The following KIF14 variants were observed in gnomAD, a reference collection of about 807,000 sequenced individuals.
KIF14 encodes the protein kinesin family member 14, also known as kinesin-like protein KIF14.
In KIF14, 98 loss-of-function variants were observed where a neutral mutation model predicts 176.2. The observed-to-expected ratio is 0.56, with a 90% CI of 0.47 to 0.66. The LOEUF (loss-of-function observed/expected upper bound fraction) is 0.66, where lower values mean the gene tolerates loss of function less well. KIF14 is among the 30% of genes least tolerant of loss of function. KIF14 has a pLI of 0.00. For synonymous variants in KIF14, 566 were observed against 632.2 expected, an observed-to-expected ratio of 0.90 and a Z score of 1.57; for missense variants, 1,751 against 1,920.4, an observed-to-expected ratio of 0.91 and a Z score of 1.65.
Position 200,554,508 on chromosome 1 carries a change from G to T in KIF14, c.4527C>A (p.Cys1509Ter). The T allele has an allele frequency of 6.5e-7, 1 of 1,544,058 alleles. No homozygotes were observed. The highest frequency in any genetic ancestry group is 8.9e-7 in the Non-Finnish European group (1 of 1,120,210). ...RAPEFLKLKH[C>*]LEKAIEIIIS... is the part of the protein sequence containing the mutation. ...TAATAATTTCAATAGCTTTCTCTAA[G>T]CAATGTTTTAACTTTAAGAATTCTG... The change falls in exon 29 of 30, where the codon TGC becomes TGA. Residue 1509 changes from cysteine to a stop codon, truncating the protein, a stop_gained. Coordinates refer to ENST00000367350, the MANE Select transcript of KIF14 (RefSeq NM_014875.3). LOFTEE classifies it low-confidence loss of function (END_TRUNC).
intron 14 of KIF14, among the ~76,000 whole-genome samples, 194 bp from the exon 15 acceptor site, chr1:200,593,963 C>T (rs1342126471): frequency 1.9e-5 from 2 of 106,870 alleles, no homozygotes; most frequent in African/African-American, 7.6e-5. Flanking sequence ...CGGAGTCTTG[C>T]TCTGTCGCCC....
chr1:200,617,359 C>G (rs1419533662), intron 2 of KIF14, among the ~76,000 whole-genome samples: 1 of 152,200 alleles, frequency 6.6e-6, no homozygotes. Flanking sequence ...GTGACTTATT[C>G]AGACTTTTTA....
rs186021936 is a variant in KIF14 at position 200,587,390 on chromosome 1, G to T, written c.3115-1163C>A. On this transcript the variant is annotated intron_variant, in intron 18 of 29. Coordinates refer to ENST00000367350, the MANE Select transcript of KIF14 (RefSeq NM_014875.3). Reference sequence around the variant, plus strand: ...CCCCAAAAAGGCAGAAAAAAAAGAAGAAAAAAGGACAAACTGTTAAAAAAA... The same window carrying T: ...CCCCAAAAAGGCAGAAAAAAAAGAATAAAAAAGGACAAACTGTTAAAAAAA... 5.3e-3 allele frequency among the ~76,000 whole-genome samples: 712 copies of T among 133,362 alleles called. 3 individuals carry two copies. The highest frequency in any genetic ancestry group is 0.011 in the Middle Eastern group (3 of 262). The allele number at this position is 133,362 out of a possible 152,430, so 87.5% of individuals were successfully genotyped here.
intron 22 of KIF14, 89 bp downstream of exon 22, chr1:200,575,502 A>G (rs971418935): frequency 5.4e-4 from 313 of 579,782 alleles, no homozygotes; most frequent in Non-Finnish European, 6.4e-5. Flanking sequence ...AATAGGAAAT[A>G]ATATATATGA....
intron 9 of KIF14, 24 bp downstream of exon 9, chr1:200,603,815 A>G (rs761658062): frequency 1.4e-6 from 2 of 1,397,726 alleles, no homozygotes; most frequent in Non-Finnish European, 2.0e-6. Flanking sequence ...ATTTCATCAA[A>G]AGGAGAAAAA....
In KIF14 at chr1:200,571,462, G is replaced by A. The variant is rs190696151; in HGVS notation, c.3567-1457C>T. On this transcript the variant is annotated intron_variant, in intron 22 of 29. Coordinates refer to ENST00000367350, the MANE Select transcript of KIF14 (RefSeq NM_014875.3). ...GAAAGCAGCCTATCTCCATATTGCC[G>A]TTCATCTATAAATTTTCTAAACCCA... Among the ~76,000 whole-genome samples the A allele has an allele frequency of 2.6e-3, 398 of 152,110 alleles. 2 individuals carry two copies. Among genetic ancestry groups the A allele is most frequent in the African/African-American group, 8.9e-3 (369 of 41,500 alleles).
intron 25 of KIF14, among the ~76,000 whole-genome samples, chr1:200,563,714 C>T (rs1220841300): frequency 6.6e-6 from 1 of 152,114 alleles, no homozygotes; most frequent in Non-Finnish European, 1.5e-5. Flanking sequence ...TTCTTATCTG[C>T]TCCTTTTGCA....
chr1:200,579,036 G>C (rs1419944073), intron 21 of KIF14, among the ~76,000 whole-genome samples: 1 of 152,154 alleles, frequency 6.6e-6, no homozygotes, highest in East Asian at 1.9e-4. Flanking sequence ...GTTGCAGTGA[G>C]CCGAGATTGT....
intron 21 of KIF14, 48 bp from the exon 22 acceptor site, chr1:200,575,739 T>C: frequency 9.0e-7 from 1 of 1,107,606 alleles, no homozygotes; most frequent in Non-Finnish European, 1.3e-6. Flanking sequence ...GGTGAAAAAA[T>C]GTTTAGCAAC....
chr1:200,617,183 G>A (rs1660445399), intron 2 of KIF14, among the ~76,000 whole-genome samples: 1 of 152,116 alleles, frequency 6.6e-6, no homozygotes, highest in Non-Finnish European at 1.5e-5. Context: ...GGCCAGGCTG[G>A]TCTCAAACCC....
At position 200,580,304 on chromosome 1, in the gene KIF14, T is replaced by A. The variant is rs1658372314; in HGVS notation, c.3415A>T (p.Ser1139Cys). 6.6e-7 allele frequency: 1 copy of A among 1,523,710 alleles called. No individual in the cohort carries two copies. The highest frequency in any genetic ancestry group is 8.9e-7 in the Non-Finnish European group (1 of 1,129,058). 94.4% of individuals were successfully genotyped at this position (1,523,710 alleles called of 1,614,324 possible). Residue 1139 changes from serine to cysteine, a missense_variant, in exon 21 of 30, where the codon AGT becomes TGT. By Grantham distance (112) the Ser-to-Cys change is moderately radical. Transcript: ENST00000367350. Reference sequence around the variant, plus strand: ...AGTTTAGATTCAAACTTTTCCAGACTCCAGAATGTTGAGATTCCTAGTTTC... The same window carrying A: ...AGTTTAGATTCAAACTTTTCCAGACACCAGAATGTTGAGATTCCTAGTTTC... ...NLKLGISTFW[S>C]LEKFESKLAA...
Position 200,614,461 on chromosome 1 carries a change from CT to C in KIF14, c.1368-57del, listed in dbSNP as rs57093619. 7.2e-4 allele frequency: 806 copies of C among 1,119,274 alleles called. 8 individuals carry two copies. In the African/African-American group the frequency reaches 0.011, roughly 15 times the overall value. The allele number at this position is 1,119,274 out of a possible 1,614,324, so 69.3% of individuals were successfully genotyped here. ...TAAAACTAATTCTTTCTTTAAAATTCTTTTTGGGGAAATAGGCTGGGAAGGG... is the reference window on the plus strand; with the variant it reads ...TAAAACTAATTCTTTCTTTAAAATTCTTTTGGGGAAATAGGCTGGGAAGGG... On this transcript the variant is annotated intron_variant, in intron 3 of 29. Transcript: ENST00000367350.
chr1:200,579,179 AC>A (rs1658305611), intron 21 of KIF14, among the ~76,000 whole-genome samples: 1 of 152,232 alleles, frequency 6.6e-6, no homozygotes, highest in Non-Finnish European at 1.5e-5. Flanking sequence ...ACTAGTTATT[AC>A]AGTACAGGTT....
At chr1:200,603,148 T>C in intron 10 of KIF14, 78 bp downstream of exon 10, 1 of 832,324 alleles carries the variant, frequency 1.2e-6, no homozygotes, top group Non-Finnish European at 1.9e-6. Context: ...CCAAAGTTAA[T>C]GAAGTCAGTC....
In KIF14 at chr1:200,618,047, T is replaced by A. The variant is rs1408678597; in HGVS notation, c.677A>T (p.Gln226Leu). Residue 226 changes from glutamine to leucine, a missense_variant, in exon 2 of 30, where the codon CAG becomes CTG. Gln to Leu is a moderately radical substitution (Grantham distance 113). Transcript: ENST00000367350. Reference sequence around the variant, plus strand: ...GTGTCCTGATCTAACAACTTCAGTCTGACTCAGGGAAGCAATGGGTGGTCT... The same window carrying A: ...GTGTCCTGATCTAACAACTTCAGTCAGACTCAGGGAAGCAATGGGTGGTCT... ...SNRPPIASLS[Q>L]TEVVRSGHLT... 2.5e-6 allele frequency: 4 copies of A among 1,614,108 alleles called. No individual in the cohort carries two copies. Among genetic ancestry groups the A allele is most frequent in the Non-Finnish European group, 2.5e-6 (3 of 1,180,044 alleles).
rs140793949 is a variant in KIF14, at chr1:200,554,705, A to G, written c.4429-99T>C. The G allele has an allele frequency of 1.0e-4, 67 of 641,600 alleles. No homozygotes were observed. In the East Asian group the frequency reaches 1.9e-3, roughly 18 times the overall value. The allele number at this position is 641,600 out of a possible 1,614,324, so 39.7% of individuals were successfully genotyped here. A position where few individuals can be genotyped will look rare whatever the true frequency, so the allele number is the denominator to read the frequency against. Reference sequence around the variant, plus strand: ...TTTAATTGCCAGAATCTTCTCTTTAAGAAAGAGAGTTTAATTTCCTCACCA... The same window carrying G: ...TTTAATTGCCAGAATCTTCTCTTTAGGAAAGAGAGTTTAATTTCCTCACCA... On this transcript the variant is annotated intron_variant, in intron 28 of 29. Coordinates refer to ENST00000367350, the MANE Select transcript of KIF14 (RefSeq NM_014875.3).
intron 22 of KIF14, among the ~76,000 whole-genome samples, chr1:200,572,606 G>A (rs1013981324): frequency 1.3e-5 from 2 of 152,178 alleles, no homozygotes; most frequent in Admixed American, 1.3e-4. Context: ...GCCTCCCAAA[G>A]TGCTGGGATT....
chr1:200,614,313 C>CA lies in KIF14; in HGVS notation c.1455+4dup, dbSNP rs1459841381. ...AAGAAGCTTGCAGGTATTATAAGAA[C>CA]ATACCTCTTGGGTTTGTTTTCTGGC... On this transcript the variant is annotated splice_donor_region_variant and intron_variant, in intron 4 of 29. Transcript: ENST00000367350. 6.5e-7 allele frequency: 1 copy of CA among 1,532,234 alleles called. No individual in the cohort carries two copies. The highest frequency in any genetic ancestry group is 9.0e-7 in the Non-Finnish European group (1 of 1,108,200). 94.9% of individuals were successfully genotyped at this position (1,532,234 alleles called of 1,614,324 possible).
chr1:200,560,603 TA>T, intron 26 of KIF14, 118 bp downstream of exon 26: 1 of 1,119,760 alleles, frequency 8.9e-7, no homozygotes, highest in Non-Finnish European at 1.3e-6. Context: ...GCAAAACTAC[TA>T]AAAGTACAAG....
Sources: allele counts gnomAD v4.1 joint callset (sites outside exome capture counted in the v4.1 genomes callset), GRCh38; gene constraint gnomAD v4.1.1; transcripts MANE v1.5; gene names NCBI Gene and HGNC (gene_info 2026-07-23, HGNC 2026-07-21).